Variants in ANO6 observed in about 807,000 individuals in gnomAD.
The protein encoded by ANO6 is anoctamin 6.
ANO6 carries 106 observed loss-of-function variants against 117.5 expected under a neutral mutation model. The observed-to-expected ratio is 0.90, with a 90% CI of 0.77 to 1.06. The LOEUF (loss-of-function observed/expected upper bound fraction) is 1.06. Among genes scored for constraint, ANO6 ranks in the 50% least tolerant of loss-of-function variants. The probability of loss-of-function intolerance (pLI) is 0.00; values close to 1 mark genes in which losing one functional copy is unlikely to be tolerated. For missense variants in ANO6, 955 were observed against 1,121.1 expected (o/e 0.85, Z 2.12); for synonymous variants, 367 against 385.1 (o/e 0.95, Z 0.55).
chr12:45,253,932 G>C (rs767389621), intron 1 of ANO6, among the ~76,000 whole-genome samples: 74 of 152,172 alleles, frequency 4.9e-4, no homozygotes, highest in Non-Finnish European at 5.7e-4. Flanking sequence ...ACTTTGGGAG[G>C]CCAAGGTGGG....
chr12:45,338,381 G>A (rs1028309510), intron 3 of ANO6, among the ~76,000 whole-genome samples: 12 of 152,162 alleles, frequency 7.9e-5, no homozygotes, highest in African/African-American at 2.2e-4. Context: ...TCAGAACAGC[G>A]TGGAAAGTTT....
At position 45,388,999 on chromosome 12, in the gene ANO6, C is replaced by T. The variant is rs993767754; in HGVS notation, c.1308+696C>T. Among the ~76,000 whole-genome samples, 7 of 152,280 alleles carry T rather than the reference C, an allele frequency of 4.6e-5. No homozygotes were observed. The South Asian group carries it at 8.3e-4, about 18-fold the overall frequency. ...AATCATCTGCATTCTTGCTTCTTTC[C>T]ATCAACACAGAAAACTTTGAGCTGA... On this transcript the variant is annotated intron_variant, in intron 11 of 19. Transcript: ENST00000320560.
chr12:45,304,537 G>C (rs1237052242), intron 2 of ANO6, among the ~76,000 whole-genome samples: 1 of 152,206 alleles, frequency 6.6e-6, no homozygotes, highest in African/African-American at 2.4e-5. Flanking sequence ...TCCAACTGCA[G>C]TTTGTGGAGT....
chr12:45,216,672 C>T (rs1385580626), intron 1 of ANO6, among the ~76,000 whole-genome samples: 1 of 152,232 alleles, frequency 6.6e-6, no homozygotes, highest in Non-Finnish European at 1.5e-5. Context: ...GCGGGGACGC[C>T]TCTGCGTGCG....
intron 1 of ANO6, among the ~76,000 whole-genome samples, chr12:45,269,711 C>G (rs1466603735): frequency 6.6e-6 from 1 of 152,164 alleles, no homozygotes; most frequent in Non-Finnish European, 1.5e-5. Flanking sequence ...TCCATTGAAT[C>G]TTAAATTTAG....
downstream of ANO6, among the ~76,000 whole-genome samples, chr12:45,434,989 A>G (rs913605776): frequency 2.6e-5 from 4 of 152,202 alleles, no homozygotes; most frequent in Non-Finnish European, 5.9e-5. Context: ...GTTTTAATCT[A>G]GGAAATTGCA....
chr12:45,393,670 A>G (rs937597877), intron 12 of ANO6, among the ~76,000 whole-genome samples: 1 of 152,218 alleles, frequency 6.6e-6, no homozygotes, highest in Non-Finnish European at 1.5e-5. Flanking sequence ...TACGAGCCAG[A>G]AGAGAGTGGG....
rs150669705 is a variant in ANO6, at chr12:45,422,989, C to T, written c.2453C>T (p.Pro818Leu). 110 of 1,613,950 alleles carry T rather than the reference C, an allele frequency of 6.8e-5. No individual in the cohort carries two copies. The highest frequency in any genetic ancestry group is 5.6e-4 in the African/African-American group (42 of 75,028). ...YRDFRYPPGH[P>L]QEYKHNIYYW... ...GATTTCCGATACCCACCTGGACACC[C>T]CCAGGAGTATAAACACAACATCTAC... The change falls in exon 19 of 20, where the codon CCC (proline) becomes CTC (leucine). Residue 818 changes from proline (P) to leucine (L), a missense_variant. Transcript: ENST00000320560.
downstream of ANO6, among the ~76,000 whole-genome samples, chr12:45,434,417 C>T (rs916121074): frequency 1.3e-5 from 2 of 152,184 alleles, no homozygotes; most frequent in Admixed American, 6.5e-5. Context: ...ACGGGCTGAC[C>T]ACACCGCTGG....
chr12:45,316,631 C>T (rs542175186), intron 2 of ANO6, among the ~76,000 whole-genome samples: 2 of 152,148 alleles, frequency 1.3e-5, no homozygotes, highest in Admixed American at 6.6e-5. Flanking sequence ...ATATTAAATA[C>T]TTGGACATGT....
intron 2 of ANO6, among the ~76,000 whole-genome samples, chr12:45,315,808 C>T (rs1940005654): frequency 6.6e-6 from 1 of 152,056 alleles, no homozygotes; most frequent in Non-Finnish European, 1.5e-5. Context: ...AGCCAGAAAC[C>T]TCAGGATCTT....
At chr12:45,291,469 TGA>T (rs1565668080) in intron 1 of ANO6, among the ~76,000 whole-genome samples, 1 of 151,788 alleles carries the variant, frequency 6.6e-6, no homozygotes, top group Non-Finnish European at 1.5e-5. Context: ...TAACGGGACT[TGA>T]GAAAATTAAA....
chr12:45,375,648 C>G (rs1339150358), intron 9 of ANO6, among the ~76,000 whole-genome samples: 1 of 151,924 alleles, frequency 6.6e-6, no homozygotes, highest in African/African-American at 2.4e-5. Context: ...AACTGGCTAG[C>G]CATATGTAGA....
At chr12:45,371,727 A>C (rs200101543) in intron 9 of ANO6, among the ~76,000 whole-genome samples, 1 of 152,230 alleles carries the variant, frequency 6.6e-6, no homozygotes, top group Non-Finnish European at 1.5e-5. Context: ...CCATCATCAA[A>C]GATCAAAAGT....
rs2137742012 is a variant in ANO6 at position 45,431,288 on chromosome 12, A to AGAT, written c.*1978_*1980dup. The AGAT allele has an allele frequency of 1.0e-6, 1 of 985,368 alleles. No homozygotes were observed. The highest frequency in any genetic ancestry group is 1.1e-4 in the East Asian group (1 of 8,816). 61.0% of individuals were successfully genotyped at this position (985,368 alleles called of 1,614,324 possible). ...GCCACTGTTCCTCTCTTCACTCCTG[A>AGAT]GATACTGCTTCTGGAAGCGGGTGTC... is the stretch of plus-strand genomic sequence containing the variant. On this transcript the variant is annotated 3_prime_UTR_variant, in exon 20 of 20. Transcript: ENST00000320560.
intron 9 of ANO6, among the ~76,000 whole-genome samples, chr12:45,370,728 A>C (rs1356426818): frequency 3.9e-5 from 6 of 152,338 alleles, no homozygotes; most frequent in South Asian, 2.1e-4. Flanking sequence ...TCAAAGGTAA[A>C]AGATTTGAAA....
intron 1 of ANO6, among the ~76,000 whole-genome samples, chr12:45,222,819 A>G (rs1282673977): frequency 2.0e-5 from 3 of 152,250 alleles, no homozygotes; most frequent in Non-Finnish European, 4.4e-5. Flanking sequence ...GGAGGAAGGA[A>G]TGCTGCACAG....
chr12:45,371,590 A>G (rs561211929), intron 9 of ANO6, among the ~76,000 whole-genome samples: 3 of 152,158 alleles, frequency 2.0e-5, no homozygotes, highest in East Asian at 3.9e-4. Context: ...GGCACCCCCC[A>G]GCAGGGGCAC....
chr12:45,282,902 T>C (rs1298483091), intron 1 of ANO6, among the ~76,000 whole-genome samples: 1 of 152,234 alleles, frequency 6.6e-6, no homozygotes, highest in Non-Finnish European at 1.5e-5. Flanking sequence ...GACTTTTCTG[T>C]ACATGTGCTA....
Sources: allele counts gnomAD v4.1 joint callset (sites outside exome capture counted in the v4.1 genomes callset), GRCh38; gene constraint gnomAD v4.1.1; transcripts MANE v1.5; gene names NCBI Gene and HGNC (gene_info 2026-07-23, HGNC 2026-07-21).